TRIM51G: variants seen among roughly 807,000 people sequenced by gnomAD.
TRIM51G encodes the protein tripartite motif-containing 51G, also known as tripartite motif-containing protein 51G.
At chr11:48,978,545 T>G in the TRIM51G span, among the ~76,000 whole-genome samples, 1 of 152,164 alleles carries the variant, frequency 6.6e-6, no homozygotes, top group Non-Finnish European at 1.5e-5. Context: ...CAAATTAGCC[T>G]AAATGCCAAT....
chr11:48,980,348 T>C, the TRIM51G span, among the ~76,000 whole-genome samples: 1 of 152,166 alleles, frequency 6.6e-6, no homozygotes, highest in African/African-American at 2.4e-5. Context: ...TTCTCACATA[T>C]TTATGTCTTC....
At chr11:48,981,003 T>A in the TRIM51G span, 1 of 586,752 alleles carries the variant, frequency 1.7e-6, no homozygotes, top group Non-Finnish European at 3.3e-6. Context: ...GAGCTCCTCC[T>A]GCAAAAGAGC....
the TRIM51G span, chr11:48,981,394 T>A: frequency 1.2e-6 from 2 of 1,607,638 alleles, no homozygotes; most frequent in African/African-American, 2.7e-5. Context: ...ACAGAACATC[T>A]CCTTTGTCTC....
the TRIM51G span, among the ~76,000 whole-genome samples, chr11:48,979,720 A>G: frequency 7.9e-3 from 1,192 of 151,678 alleles, 18 homozygotes; most frequent in African/African-American, 0.028. Context: ...ACTCATATAT[A>G]TTTCTCAAAT....
At chr11:48,979,648 C>T in the TRIM51G span, among the ~76,000 whole-genome samples, 1 of 151,978 alleles carries the variant, frequency 6.6e-6, no homozygotes, top group South Asian at 2.1e-4. Context: ...AATATTACTG[C>T]ACATGCTGTT....
the TRIM51G span, chr11:48,978,798 G>A: frequency 2.3e-5 from 16 of 708,810 alleles, no homozygotes; most frequent in South Asian, 1.2e-4. Context: ...AGGGGGAGAC[G>A]GATTTCAGGA....
the TRIM51G span, chr11:48,978,282 C>T: frequency 3.0e-5 from 13 of 433,758 alleles, no homozygotes; most frequent in South Asian, 2.3e-4. Flanking sequence ...TCCTGGAAAG[C>T]ATTTTCTGTT....
the TRIM51G span, chr11:48,981,129 C>T: frequency 7.8e-7 from 1 of 1,277,158 alleles, no homozygotes; most frequent in Non-Finnish European, 1.1e-6. Context: ...TGTTTCTCCT[C>T]ATGTCTGTCA....
chr11:48,980,388 C>T, the TRIM51G span, among the ~76,000 whole-genome samples: 6 of 152,108 alleles, frequency 3.9e-5, no homozygotes, highest in East Asian at 1.9e-4. Context: ...TTTCTCACCA[C>T]TTTTCCCTTT....
chr11:48,979,171 A>G, the TRIM51G span: 2 of 649,260 alleles, frequency 3.1e-6, no homozygotes, highest in Admixed American at 2.1e-5. Flanking sequence ...GATTCCTCTT[A>G]GCATTCTGAA....
chr11:48,976,673 A>G, the TRIM51G span, among the ~76,000 whole-genome samples: 12 of 152,238 alleles, frequency 7.9e-5, no homozygotes, highest in South Asian at 4.1e-4. Context: ...TTGTAAGAAA[A>G]TACTAATACT....
the TRIM51G span, among the ~76,000 whole-genome samples, chr11:48,982,525 A>G: frequency 3.3e-5 from 5 of 152,042 alleles, no homozygotes; most frequent in Admixed American, 6.6e-5. Flanking sequence ...AGCAACCCTC[A>G]ATGTGGGTGG....
At chr11:48,979,584 T>G in the TRIM51G span, among the ~76,000 whole-genome samples, 1 of 152,102 alleles carries the variant, frequency 6.6e-6, no homozygotes, top group East Asian at 1.9e-4. Flanking sequence ...CTCACCCTAA[T>G]CGGCTACATG....
chr11:48,976,973 T>A, the TRIM51G span: 1 of 600,262 alleles, frequency 1.7e-6, no homozygotes, highest in Non-Finnish European at 3.1e-6. Context: ...CGTCATATGG[T>A]TCACTTCCTG....
the TRIM51G span, chr11:48,979,179 G>A: frequency 1.6e-6 from 1 of 638,746 alleles, no homozygotes; most frequent in Non-Finnish European, 3.0e-6. Flanking sequence ...TTAGCATTCT[G>A]AACACCCAAT....
At chr11:48,976,737 A>G in the TRIM51G span, among the ~76,000 whole-genome samples, 1 of 152,190 alleles carries the variant, frequency 6.6e-6, no homozygotes, top group Admixed American at 6.5e-5. Context: ...AACAATTCAA[A>G]TGAAATACAG....
At chr11:48,981,668 G>C in the TRIM51G span, 6 of 1,599,588 alleles carry the variant, frequency 3.8e-6, no homozygotes, top group Non-Finnish European at 5.1e-6. Context: ...AGTTCCCTCT[G>C]GAAGACTTGC....
chr11:48,981,290 G>C, the TRIM51G span: 2 of 1,605,230 alleles, frequency 1.2e-6, no homozygotes, highest in South Asian at 1.1e-5. Flanking sequence ...CTTACCCGGC[G>C]TTCCTCAGCA....
At chr11:48,977,645 T>C in the TRIM51G span, among the ~76,000 whole-genome samples, 2 of 152,150 alleles carry the variant, frequency 1.3e-5, no homozygotes, top group African/African-American at 2.4e-5. Flanking sequence ...GTTCAAACAT[T>C]CCAAATAGTT....
Sources: gnomAD v4.1 joint callset for allele counts (sites outside exome capture counted in the v4.1 genomes callset) on GRCh38, gnomAD v4.1.1 for gene constraint, MANE v1.5 for transcripts, NCBI Gene and HGNC (gene_info 2026-07-23, HGNC 2026-07-21) for gene names.